LEMD3: variants seen among roughly 807,000 people sequenced by gnomAD.
The protein encoded by LEMD3 is inner nuclear membrane protein Man1.
LEMD3 carries 33 observed loss-of-function variants against 95.2 expected under a neutral mutation model. That is an observed-to-expected ratio of 0.35 (90% confidence interval 0.26 to 0.46). The LOEUF is 0.46. Ranked by LOEUF, LEMD3 falls within the 20% of genes least tolerant of loss-of-function variation. The pLI is 1.00. For missense variants in LEMD3, 1,210 were observed against 1,192.8 expected (o/e 1.01, Z -0.21); for synonymous variants, 525 against 474.6 (o/e 1.11, Z -1.38).
Position 65,238,783 on chromosome 12 carries a change from T to A in LEMD3, c.1890T>A (p.Thr630=). The change falls in exon 6 of 13, where the codon ACT becomes ACA. Residue 630 remains threonine, a synonymous_variant. Transcript: ENST00000308330. ...FWCRFRRAFV[T]VTHRLLLLCL... Reference sequence around the variant, plus strand: ...GTCGTTTTCGACGTGCTTTTGTTACTGTAACTCACAGATTATTGTTGTTAT... The same window carrying A: ...GTCGTTTTCGACGTGCTTTTGTTACAGTAACTCACAGATTATTGTTGTTAT... The A allele has an allele frequency of 6.2e-7, 1 of 1,614,114 alleles. No individual in the cohort carries two copies. The highest frequency in any genetic ancestry group is 8.5e-7 in the Non-Finnish European group (1 of 1,179,984).
At chr12:65,218,527 A>G (rs368345942) in intron 3 of LEMD3, 25 bp from the exon 4 acceptor site, 36 of 1,525,496 alleles carry the variant, frequency 2.4e-5, no homozygotes, top group Non-Finnish European at 3.3e-5. Flanking sequence ...CTGATTCAAA[A>G]TTAATAATAT....
At chr12:65,196,388 A>G (rs1023765526) in intron 1 of LEMD3, among the ~76,000 whole-genome samples, 58 of 152,056 alleles carry the variant, frequency 3.8e-4, no homozygotes, top group African/African-American at 1.3e-3. Context: ...TGTTTTTCTA[A>G]TGTGCCTTGC....
rs184534812 is a variant in LEMD3, at chr12:65,233,169, A to G, written c.1696-5333A>G. On this transcript the variant is annotated intron_variant, in intron 4 of 12. Transcript: ENST00000308330. ...CCATAGAGGGGCTAATAACTAGAGT[A>G]TCCAGCTACTATGTGATGGAACTGG... Among the ~76,000 whole-genome samples, 304 of 152,280 alleles carry G rather than the reference A, an allele frequency of 2.0e-3. 2 individuals are homozygous for G. Among genetic ancestry groups the G allele is most frequent in the African/African-American group, 6.8e-3 (284 of 41,564 alleles).
At chr12:65,222,151 G>A (rs182016295) in intron 4 of LEMD3, among the ~76,000 whole-genome samples, 2 of 152,138 alleles carry the variant, frequency 1.3e-5, no homozygotes, top group Non-Finnish European at 2.9e-5. Context: ...TTATTGAATG[G>A]TTTTATCATG....
intron 1 of LEMD3, among the ~76,000 whole-genome samples, chr12:65,202,451 G>A (rs1281382838): frequency 6.6e-6 from 1 of 151,880 alleles, no homozygotes; most frequent in Non-Finnish European, 1.5e-5. Flanking sequence ...AATCCCACTT[G>A]GTTGTAATAT....
intron 1 of LEMD3, among the ~76,000 whole-genome samples, chr12:65,192,353 T>A (rs551843346): frequency 6.6e-6 from 1 of 152,194 alleles, no homozygotes; most frequent in Non-Finnish European, 1.5e-5. Context: ...TTTTCTCATA[T>A]GCATTCATAT....
At chr12:65,196,270 C>G (rs1262203700) in intron 1 of LEMD3, among the ~76,000 whole-genome samples, 1 of 151,788 alleles carries the variant, frequency 6.6e-6, no homozygotes. Context: ...TTTCATTTGC[C>G]TTTTGTAGGG....
intron 1 of LEMD3, 80 bp downstream of exon 1, chr12:65,171,198 T>G: frequency 4.4e-6 from 7 of 1,591,894 alleles, no homozygotes; most frequent in Non-Finnish European, 6.0e-6. Flanking sequence ...GCGTTTTACA[T>G]GAAGTGACTT....
intron 1 of LEMD3, among the ~76,000 whole-genome samples, chr12:65,174,453 G>T (rs1037543389): frequency 1.3e-5 from 2 of 152,018 alleles, no homozygotes; most frequent in African/African-American, 4.8e-5. Flanking sequence ...TCCTAGGCTC[G>T]TATGATCATT....
intron 1 of LEMD3, among the ~76,000 whole-genome samples, chr12:65,199,781 A>G (rs1348680965): frequency 6.6e-6 from 1 of 152,064 alleles, no homozygotes; most frequent in Non-Finnish European, 1.5e-5. Context: ...CCTTTGAGTA[A>G]ATACCAAAGA....
At chr12:65,194,901 A>AC (rs971116025) in intron 1 of LEMD3, among the ~76,000 whole-genome samples, 1 of 144,526 alleles carries the variant, frequency 6.9e-6, no homozygotes, top group African/African-American at 2.5e-5. Flanking sequence ...TTAAAATAAA[A>AC]TAATTATTAA....
In LEMD3 at chr12:65,246,374, C is replaced by T. The variant is rs1358404600; in HGVS notation, c.*49C>T. On this transcript the variant is annotated 3_prime_UTR_variant, in exon 13 of 13. Transcript: ENST00000308330. ...ACTGTTATTTACAATAGGAAAATTC[C>T]TGTTTGGCTTTTTGTCTTCCTTTTT... 2 of 1,455,014 alleles carry T rather than the reference C, an allele frequency of 1.4e-6. No individual in the cohort carries two copies. The highest frequency in any genetic ancestry group is 2.3e-5 in the South Asian group (2 of 87,812). 90.1% of individuals were successfully genotyped at this position (1,455,014 alleles called of 1,614,324 possible).
intron 6 of LEMD3, among the ~76,000 whole-genome samples, chr12:65,239,395 A>T (rs1422761465): frequency 1.3e-5 from 2 of 152,074 alleles, no homozygotes; most frequent in Admixed American, 6.6e-5. Flanking sequence ...AAAAATTTTT[A>T]AAATTAGACA....
chr12:65,243,366 A>G, intron 9 of LEMD3, 22 bp from the exon 10 acceptor site: 1 of 1,401,864 alleles, frequency 7.1e-7, no homozygotes, highest in Non-Finnish European at 1.0e-6. Context: ...GTCAAATAGT[A>G]AAACTAACTT....
At chr12:65,173,866 A>G (rs2136315274) in intron 1 of LEMD3, among the ~76,000 whole-genome samples, 1 of 152,318 alleles carries the variant, frequency 6.6e-6, no homozygotes, top group South Asian at 2.1e-4. Flanking sequence ...CCCTGTGGAA[A>G]GAAGTGCCTG....
At chr12:65,238,394 GTTAT>G in intron 4 of LEMD3, 104 bp from the exon 5 acceptor site, 1 of 700,976 alleles carries the variant, frequency 1.4e-6, no homozygotes, top group Non-Finnish European at 2.4e-6. Flanking sequence ...AATATTTTAT[GTTAT>G]GTAGTTAAAA....
At chr12:65,186,092 C>T (rs1309714473) in intron 1 of LEMD3, among the ~76,000 whole-genome samples, 1 of 152,038 alleles carries the variant, frequency 6.6e-6, no homozygotes, top group African/African-American at 2.4e-5. Context: ...TATCTCTCTC[C>T]ATGCTGCTGG....
intron 1 of LEMD3, among the ~76,000 whole-genome samples, chr12:65,182,139 A>G (rs946209699): frequency 1.4e-4 from 22 of 152,278 alleles, no homozygotes; most frequent in South Asian, 1.2e-3. Flanking sequence ...TGAACCCAAG[A>G]TCTAACTTTA....
chr12:65,210,884 G>C, intron 1 of LEMD3, 42 bp from the exon 2 acceptor site: 1 of 1,459,438 alleles, frequency 6.9e-7, no homozygotes, highest in Non-Finnish European at 9.6e-7. Context: ...ATTTTAATTC[G>C]TAAGTGATGC....
Sources: gnomAD v4.1 joint callset for allele counts (sites outside exome capture counted in the v4.1 genomes callset) on GRCh38, gnomAD v4.1.1 for gene constraint, MANE v1.5 for transcripts, NCBI Gene and HGNC (gene_info 2026-07-23, HGNC 2026-07-21) for gene names.